SYDE2: variants seen among roughly 807,000 people sequenced by gnomAD.
The protein encoded by SYDE2 is rho GTPase-activating protein SYDE2.
Under a neutral mutation model 91.5 loss-of-function variants are expected in SYDE2, and 76 were observed. That is an observed-to-expected ratio of 0.83 (90% CI 0.69 to 1.01). SYDE2 has a LOEUF of 1.01. Ranked by LOEUF, SYDE2 falls within the 50% of genes least tolerant of loss-of-function variation. The pLI is 0.00. For missense variants in SYDE2, 1,364 were observed against 1,367.7 expected (o/e 1.00, Z 0.04); for synonymous variants, 513 against 506.4 (o/e 1.01, Z -0.18).
At chr1:85,178,049 A>C in intron 4 of SYDE2, 97 bp downstream of exon 4, 1 of 1,068,376 alleles carries the variant, frequency 9.4e-7, no homozygotes, top group African/African-American at 1.6e-5. Context: ...TTCAGAATAA[A>C]AACAAATTAA....
chr1:85,161,874 G>A (rs1156862582), intron 6 of SYDE2, among the ~76,000 whole-genome samples: 1 of 111,952 alleles, frequency 8.9e-6, no homozygotes, highest in Admixed American at 8.0e-5. Flanking sequence ...ATATCTAAAA[G>A]AAACATTTTT....
At position 85,182,614 on chromosome 1, in the gene SYDE2, C is replaced by A; in HGVS notation, c.2028G>T (p.Gln676His). 6.2e-7 allele frequency: 1 copy of A among 1,613,918 alleles called. No homozygotes were observed. The highest frequency in any genetic ancestry group is 1.1e-5 in the South Asian group (1 of 91,082). ...GTACACTCATGAGCCCAGATATGTA[C>A]TGTGAACACTTAGGTTGATCAGAAA... ...YSFSDQPKCS[Q>H]YISGLMSVHF... Residue 676 changes from glutamine (Q) to histidine (H), a missense_variant, in exon 3 of 7, where the codon CAG becomes CAT. Gln to His is a conservative substitution (Grantham distance 24). Coordinates refer to ENST00000341460, the MANE Select transcript of SYDE2 (RefSeq NM_032184.2).
At chr1:85,178,365 T>A in intron 3 of SYDE2, 93 bp from the exon 4 acceptor site, 1 of 1,149,680 alleles carries the variant, frequency 8.7e-7, no homozygotes, top group Non-Finnish European at 1.2e-6. Flanking sequence ...ATCAAATATG[T>A]TCTGATGTCA....
intron 2 of SYDE2, among the ~76,000 whole-genome samples, chr1:85,184,701 A>C (rs951832474): frequency 6.6e-6 from 1 of 152,030 alleles, no homozygotes; most frequent in Admixed American, 6.6e-5. Flanking sequence ...CCATGTCTAC[A>C]AAAGATACAA....
rs376834773 is a variant in SYDE2, at chr1:85,200,568, C to A, written c.429G>T (p.Gln143His). The change falls in exon 1 of 7, where the codon CAG becomes CAT. Residue 143 changes from glutamine (Q) to histidine (H), a missense_variant. Physicochemically the swap from Gln to His is conservative, Grantham distance 24. Transcript: ENST00000341460. ...RARAAAPTGL[Q>H]PPGCKDHGCS... ...AGCCGTGGTCCTTGCAGCCTGGAGG[C>A]TGGAGGCCGGTGGGTGCAGCCGCCC... The A allele has an allele frequency of 1.8e-4, 283 of 1,601,302 alleles. No individual in the cohort carries two copies. Among genetic ancestry groups the A allele is most frequent in the Non-Finnish European group, 2.3e-4 (265 of 1,175,856 alleles).
chr1:85,166,185 CA>C (rs1314453759), intron 5 of SYDE2, among the ~76,000 whole-genome samples: 2 of 151,550 alleles, frequency 1.3e-5, no homozygotes, highest in Admixed American at 1.3e-4. Flanking sequence ...ACTGAAAATA[CA>C]AAAAAATAGC....
chr1:85,188,363 TA>T (rs933505596), intron 2 of SYDE2, among the ~76,000 whole-genome samples: 9 of 151,994 alleles, frequency 5.9e-5, no homozygotes, highest in Non-Finnish European at 1.0e-4. Context: ...TAAAAACAAA[TA>T]AAAAAACACA....
rs752386902 is a variant in SYDE2 at position 85,190,636 on chromosome 1, G to A, written c.862C>T (p.Arg288Cys). ...AGAGTACTCTGATATAGCCAATTGC[G>A]TTTCTTTGAAACAGTGATGCTGTTA... ...PLNSITVSKK[R>C]NWLYQSTLRP... The change falls in exon 2 of 7, where the codon CGC becomes TGC. Residue 288 changes from arginine to cysteine, a missense_variant. By Grantham distance (180) the Arg-to-Cys change is radical. Transcript: ENST00000341460. The A allele has an allele frequency of 1.4e-5, 22 of 1,613,700 alleles. No individual in the cohort carries two copies. The highest frequency in any genetic ancestry group is 4.5e-5 in the East Asian group (2 of 44,874).
intron 2 of SYDE2, among the ~76,000 whole-genome samples, chr1:85,187,847 C>T (rs148110752): frequency 0.05 from 6,376 of 127,120 alleles, 168 homozygotes; most frequent in East Asian, 0.18. Context: ...AGGGGAACAT[C>T]ACACTCTGGG....
At chr1:85,188,281 G>A (rs1432814141) in intron 2 of SYDE2, among the ~76,000 whole-genome samples, 1 of 151,880 alleles carries the variant, frequency 6.6e-6, no homozygotes, top group Non-Finnish European at 1.5e-5. Context: ...TTGCTCTGGA[G>A]AATTAGCCTA....
chr1:85,187,459 G>A (rs1197255658), intron 2 of SYDE2, among the ~76,000 whole-genome samples: 3 of 151,720 alleles, frequency 2.0e-5, no homozygotes, highest in Non-Finnish European at 4.4e-5. Flanking sequence ...TCAGTGTGGT[G>A]ATTCCTCAGG....
At chr1:85,188,284 T>G (rs1329195989) in intron 2 of SYDE2, among the ~76,000 whole-genome samples, 1 of 152,168 alleles carries the variant, frequency 6.6e-6, no homozygotes, top group Non-Finnish European at 1.5e-5. Flanking sequence ...CTCTGGAGAA[T>G]TAGCCTATAA....
chr1:85,164,336 C>G (rs1657187300), intron 6 of SYDE2, among the ~76,000 whole-genome samples, 190 bp downstream of exon 6: 1 of 152,032 alleles, frequency 6.6e-6, no homozygotes, highest in African/African-American at 2.4e-5. Flanking sequence ...ATCTACATGC[C>G]TACAATGTCA....
chr1:85,180,952 G>A (rs1248364784), intron 3 of SYDE2, among the ~76,000 whole-genome samples: 1 of 151,922 alleles, frequency 6.6e-6, no homozygotes, highest in African/African-American at 2.4e-5. Context: ...AGAATCTTAA[G>A]AAAGAAAAAT....
chr1:85,191,712 C>T (rs974057471), intron 1 of SYDE2, among the ~76,000 whole-genome samples: 12 of 148,280 alleles, frequency 8.1e-5, no homozygotes, highest in Non-Finnish European at 1.5e-4. Flanking sequence ...GAGCCGAGAT[C>T]GTGCCACTGC....
At chr1:85,184,510 A>G (rs1658052577) in intron 2 of SYDE2, among the ~76,000 whole-genome samples, 1 of 152,178 alleles carries the variant, frequency 6.6e-6, no homozygotes, top group African/African-American at 2.4e-5. Context: ...ATACTACCCT[A>G]CATGTAACAA....
chr1:85,186,279 T>A (rs1053948905), intron 2 of SYDE2, among the ~76,000 whole-genome samples: 1 of 152,170 alleles, frequency 6.6e-6, no homozygotes, highest in African/African-American at 2.4e-5. Flanking sequence ...TGTCTCTGCC[T>A]GGCTTTGGTA....
At position 85,190,327 on chromosome 1, in the gene SYDE2, C is replaced by T; in HGVS notation, c.1171G>A (p.Glu391Lys). 1 of 1,613,952 alleles carries T rather than the reference C, an allele frequency of 6.2e-7. No homozygotes were observed. The highest frequency in any genetic ancestry group is 8.5e-7 in the Non-Finnish European group (1 of 1,179,876). ...LGISSALSFGEADSAVLKLPA... is the reference protein window; with the variant it reads ...LGISSALSFGKADSAVLKLPA... ...AGCTTCAGAACAGCAGAGTCGGCCTCACCAAAACTCAAGGCACTTGATATA... is the reference window on the plus strand; with the variant it reads ...AGCTTCAGAACAGCAGAGTCGGCCTTACCAAAACTCAAGGCACTTGATATA... Residue 391 changes from glutamate (E) to lysine (K), a missense_variant, in exon 2 of 7, where the codon GAG (glutamate) becomes AAG (lysine). Transcript: ENST00000341460.
chr1:85,155,045 A>G (rs1255123224), downstream of SYDE2, among the ~76,000 whole-genome samples: 1 of 149,194 alleles, frequency 6.7e-6, no homozygotes, highest in African/African-American at 2.5e-5. Context: ...AAGAAAAAAG[A>G]AAAGAAAGAA....
Sources: allele counts gnomAD v4.1 joint callset (sites outside exome capture counted in the v4.1 genomes callset), GRCh38; gene constraint gnomAD v4.1.1; transcripts MANE v1.5; gene names NCBI Gene and HGNC (gene_info 2026-07-23, HGNC 2026-07-21).